The following ERBB4 variants were observed in gnomAD, a reference collection of about 807,000 sequenced individuals.
ERBB4 encodes receptor tyrosine-protein kinase erbB-4.
Under a neutral mutation model 158.0 loss-of-function variants are expected in ERBB4, and 42 were observed. The observed-to-expected ratio is 0.27, with a 90% CI of 0.21 to 0.34. ERBB4 has a LOEUF of 0.34. Among genes scored for constraint, ERBB4 ranks in the 10% least tolerant of loss-of-function variants. The pLI, the probability that ERBB4 is intolerant of heterozygous loss-of-function variation, is 1.00. For missense variants in ERBB4, 1,333 were observed against 1,624.1 expected, an observed-to-expected ratio of 0.82 and a Z score of 3.08; for synonymous variants, 583 against 558.7, an observed-to-expected ratio of 1.04 and a Z score of -0.61.
chr2:211,727,905 A>G (rs2074316184), intron 5 of ERBB4, among the ~76,000 whole-genome samples: 1 of 152,012 alleles, frequency 6.6e-6, no homozygotes, highest in Non-Finnish European at 1.5e-5. Flanking sequence ...ATAAGCTTAT[A>G]GAAGATTTGG....
intron 20 of ERBB4, among the ~76,000 whole-genome samples, chr2:211,535,189 G>T (rs1559270017): frequency 6.6e-6 from 1 of 152,028 alleles, no homozygotes; most frequent in Non-Finnish European, 1.5e-5. Flanking sequence ...CTTAATAAAA[G>T]ATGTGGAGAA....
chr2:212,251,018 G>A (rs10497969), intron 1 of ERBB4, among the ~76,000 whole-genome samples: 7,922 of 151,958 alleles, frequency 0.052, 644 homozygotes, highest in African/African-American at 0.18. Context: ...GAGTTAGTTT[G>A]TTTATCAAAT....
At chr2:212,081,967 G>A (rs186294426) in intron 2 of ERBB4, among the ~76,000 whole-genome samples, 3 of 152,136 alleles carry the variant, frequency 2.0e-5, no homozygotes, top group Admixed American at 1.3e-4. Context: ...TTAACTGATA[G>A]CCAAGAATTG....
chr2:211,910,486 A>C (rs1380406594), intron 3 of ERBB4, among the ~76,000 whole-genome samples: 3 of 151,186 alleles, frequency 2.0e-5, no homozygotes, highest in Non-Finnish European at 4.4e-5. Context: ...AGAAAAGCAA[A>C]TACTGCATGT....
At chr2:212,256,019 G>C (rs560687218) in intron 1 of ERBB4, among the ~76,000 whole-genome samples, 60 of 128,482 alleles carry the variant, frequency 4.7e-4, no homozygotes, top group African/African-American at 1.9e-3. Flanking sequence ...TTTACAAATG[G>C]GGGGGGGTCT....
intron 20 of ERBB4, among the ~76,000 whole-genome samples, chr2:211,555,039 G>A (rs570806714): frequency 6.6e-6 from 1 of 152,248 alleles, no homozygotes; most frequent in African/African-American, 2.4e-5. Flanking sequence ...GATTCATAAA[G>A]CATCAAGAAG....
In ERBB4 at chr2:212,349,598, CT is replaced by C. The variant is rs748267143; in HGVS notation, c.82+188850del. On this transcript the variant is annotated intron_variant, in intron 1 of 27. Transcript: ENST00000342788. ...ACTGATGTCCCCAAGAAAGCAGATT[CT>C]TTTAGTATTTCCTTAGTGCTGTGAA... Among the ~76,000 whole-genome samples the C allele has an allele frequency of 2.2e-4, 33 of 152,156 alleles. No individual in the cohort carries two copies. The South Asian group carries it at 4.1e-3, about 19-fold the overall frequency.
chr2:212,097,996 A>T (rs1435798676), intron 2 of ERBB4, among the ~76,000 whole-genome samples: 1 of 152,158 alleles, frequency 6.6e-6, no homozygotes, highest in Non-Finnish European at 1.5e-5. Flanking sequence ...TCTCTGATTT[A>T]TGTGGTAGAA....
In ERBB4 at chr2:212,345,421, T is replaced by C. The variant is rs190476814; in HGVS notation, c.82+193028A>G. Among the ~76,000 whole-genome samples, 548 of 152,212 alleles carry C rather than the reference T, an allele frequency of 3.6e-3. 5 individuals carry two copies. The highest frequency in any genetic ancestry group is 4.3e-3 in the Non-Finnish European group (290 of 68,006). ...CTCCCACAGGAGACATTTAGCAATG[T>C]CTGGAGACATACTTGGCTGTCACAA... On this transcript the variant is annotated intron_variant, in intron 1 of 27. Transcript: ENST00000342788.
chr2:211,618,939 T>C (rs983064356), intron 19 of ERBB4, among the ~76,000 whole-genome samples: 1 of 152,102 alleles, frequency 6.6e-6, no homozygotes, highest in Non-Finnish European at 1.5e-5. Flanking sequence ...TGTAAATATC[T>C]TGAAACTCTA....
chr2:211,670,027 A>G (rs141653210), intron 14 of ERBB4, among the ~76,000 whole-genome samples: 75 of 152,334 alleles, frequency 4.9e-4, no homozygotes, highest in African/African-American at 1.7e-3. Flanking sequence ...ATGTGATTTC[A>G]ACAGAATATA....
chr2:212,463,745 G>C (rs1021836782), intron 1 of ERBB4, among the ~76,000 whole-genome samples: 2 of 152,048 alleles, frequency 1.3e-5, no homozygotes, highest in Non-Finnish European at 2.9e-5. Flanking sequence ...ACCCCAGCCA[G>C]TTTCATTCGA....
chr2:212,065,589 C>T (rs868052054), intron 2 of ERBB4, among the ~76,000 whole-genome samples: 54 of 152,134 alleles, frequency 3.5e-4, no homozygotes, highest in African/African-American at 1.3e-3. Context: ...TTCTCCCATT[C>T]AATTTCAAAT....
chr2:211,902,252 T>G (rs2125035079), intron 3 of ERBB4, among the ~76,000 whole-genome samples: 1 of 152,262 alleles, frequency 6.6e-6, no homozygotes, highest in Admixed American at 6.5e-5. Context: ...ACATTTTTAT[T>G]AAATTATAAC....
chr2:212,084,424 G>T (rs75503789), intron 2 of ERBB4, among the ~76,000 whole-genome samples: 4 of 151,860 alleles, frequency 2.6e-5, no homozygotes, highest in African/African-American at 9.7e-5. Flanking sequence ...CATGGGATAA[G>T]GGCAATTTCC....
intron 19 of ERBB4, among the ~76,000 whole-genome samples, chr2:211,562,808 G>T (rs1002114826): frequency 9.0e-6 from 1 of 110,744 alleles, no homozygotes; most frequent in Non-Finnish European, 1.8e-5. Context: ...GTCTCGCTCT[G>T]TCGCCCAGGC....
chr2:212,506,391 GT>G (rs1471678916), intron 1 of ERBB4, among the ~76,000 whole-genome samples: 1 of 124,408 alleles, frequency 8.0e-6, no homozygotes, highest in Non-Finnish European at 2.0e-5. Flanking sequence ...AAATGATTAA[GT>G]TTAGCAAGGA....
chr2:212,265,511 G>A (rs554707428), intron 1 of ERBB4, among the ~76,000 whole-genome samples: 1 of 152,150 alleles, frequency 6.6e-6, no homozygotes, highest in East Asian at 1.9e-4. Flanking sequence ...GAGAAGTGGA[G>A]TCTATCTCAT....
intron 2 of ERBB4, among the ~76,000 whole-genome samples, chr2:212,099,803 CTCTCTTT>C (rs2079033040): frequency 6.6e-6 from 1 of 151,268 alleles, no homozygotes; most frequent in South Asian, 2.1e-4. Context: ...CTCTCTCCCT[CTCTCTTT>C]TCTTTTTTTC....
Sources: allele counts gnomAD v4.1 joint callset (sites outside exome capture counted in the v4.1 genomes callset), GRCh38; gene constraint gnomAD v4.1.1; transcripts MANE v1.5; gene names NCBI Gene and HGNC (gene_info 2026-07-23, HGNC 2026-07-21).